The following XIST variants were observed in gnomAD, a reference collection of about 807,000 sequenced individuals.
XIST encodes X inactive specific transcript (non-protein coding).
chrX:73,840,529 G>A (rs1214669462), intron 1 of XIST, among the ~76,000 whole-genome samples: 1 of 111,596 alleles, frequency 9.0e-6, no homozygotes, highest in Non-Finnish European at 1.9e-5. Context: ...AAAGGTGGGA[G>A]GAAAGAAGGT....
chrX:73,844,923 G>A (rs369806959), exon 1 of XIST: 1 of 390,117 alleles, frequency 2.6e-6, no homozygotes, highest in Non-Finnish European at 4.8e-6. Flanking sequence ...GAAGGGAAAG[G>A]AAGATTGAGG....
At chrX:73,849,565 T>C (rs781133777) in exon 1 of XIST, 3 of 558,413 alleles carry the variant, frequency 5.4e-6, no homozygotes, top group Non-Finnish European at 9.7e-6. Context: ...TGGGCAATAA[T>C]GCTCTGATAG....
exon 6 of XIST, chrX:73,822,704 C>A (rs946229075): frequency 5.6e-6 from 3 of 540,110 alleles, no homozygotes; most frequent in African/African-American, 4.5e-5. Flanking sequence ...GTTGCATCTC[C>A]AAGTCAGAAT....
exon 1 of XIST, chrX:73,845,669 T>C (rs1372927473): frequency 3.6e-6 from 2 of 554,291 alleles, no homozygotes; most frequent in Admixed American, 2.2e-5. Context: ...TCAGATGGGA[T>C]GGGCCATGTG....
exon 6 of XIST, chrX:73,823,288 A>C: frequency 2.1e-6 from 1 of 486,113 alleles, no homozygotes; most frequent in Non-Finnish European, 3.6e-6. Flanking sequence ...TTTATTTTGA[A>C]AGAAACTTGC....
At chrX:73,837,518 G>T (rs1603361526) in intron 1 of XIST, 2 of 504,714 alleles carry the variant, frequency 4.0e-6, no homozygotes, top group Non-Finnish European at 7.1e-6. Flanking sequence ...AACACAAAAA[G>T]AACATTAAGG....
exon 1 of XIST, chrX:73,842,624 C>T (rs1569512285): frequency 3.6e-6 from 2 of 558,497 alleles, no homozygotes; most frequent in South Asian, 4.5e-5. Flanking sequence ...ACAATCAGTA[C>T]TGTGTTTATT....
At chrX:73,846,195 C>T (rs1396487365) in exon 1 of XIST, 3 of 556,244 alleles carry the variant, frequency 5.4e-6, no homozygotes, top group African/African-American at 2.3e-5. Context: ...GAAAAAGGGC[C>T]TTGGTGATCA....
exon 1 of XIST, chrX:73,846,840 G>A (rs780265621): frequency 3.6e-6 from 2 of 559,209 alleles, no homozygotes; most frequent in South Asian, 2.2e-5. Flanking sequence ...GTTTGAGAAA[G>A]GGGCCTTAAG....
intron 3 of XIST, among the ~76,000 whole-genome samples, chrX:73,833,021 A>G (rs1203293394): frequency 9.1e-6 from 1 of 110,394 alleles, no homozygotes; most frequent in African/African-American, 3.3e-5. Flanking sequence ...AGGTAGGACT[A>G]CAGGCACGTA....
exon 6 of XIST, chrX:73,821,311 C>G (rs767616543): frequency 3.6e-6 from 2 of 554,992 alleles, no homozygotes; most frequent in Non-Finnish European, 6.5e-6. Context: ...GCTATAGAAA[C>G]TACAGTTCAG....
At chrX:73,823,511 T>C (rs1437008186) in exon 6 of XIST, 1 of 542,806 alleles carries the variant, frequency 1.8e-6, no homozygotes. Context: ...GAATGGTATA[T>C]TCCACATAAA....
At chrX:73,852,248 G>C (rs766000021) in exon 1 of XIST, 1 of 548,669 alleles carries the variant, frequency 1.8e-6, no homozygotes, top group Admixed American at 2.3e-5. Flanking sequence ...TACCCCGATG[G>C]GCTAAGGAAA....
rs61741568 is a variant in XIST, at chrX:73,842,826, A to G, written n.9898T>C. 8,570 of 556,416 alleles carry G rather than the reference A, an allele frequency of 0.015. 388 individuals carry two copies. Among genetic ancestry groups the G allele is most frequent in the African/African-American group, 0.15 (6,616 of 44,411 alleles). The allele number at this position is 556,416 out of a possible 1,213,427, so 45.9% of individuals were successfully genotyped here. A position where few individuals can be genotyped will look rare whatever the true frequency, so the allele number is the denominator to read the frequency against. ...AGGGGCAGGGCAGAGGGAAGGGAAG[A>G]GGGAGACAGCACAATCTTACCTAAT... is the stretch of plus-strand genomic sequence containing the variant. On this transcript the variant is annotated non_coding_transcript_exon_variant, in exon 1 of 6. Transcript: ENST00000429829.
exon 1 of XIST, chrX:73,841,880 GT>G (rs1290524170): frequency 7.8e-6 from 4 of 513,941 alleles, no homozygotes; most frequent in African/African-American, 6.9e-5. Flanking sequence ...CTTGAAATAA[GT>G]AGGGGCAGGT....
exon 1 of XIST, chrX:73,844,632 G>A (rs368201746): frequency 6.0e-4 from 333 of 557,360 alleles, no homozygotes; most frequent in Middle Eastern, 4.3e-3. Flanking sequence ...GGAAAAGAAA[G>A]ATTATGCGTA....
In XIST at chrX:73,822,583, T is replaced by A. The variant is rs1444570722; in HGVS notation, n.17318A>T. 3 of 509,389 alleles carry A rather than the reference T, an allele frequency of 5.9e-6. No homozygotes were observed. The African/African-American group carries it at 6.9e-5, about 12-fold the overall frequency. 42.0% of individuals were successfully genotyped at this position (509,389 alleles called of 1,213,427 possible). On this transcript the variant is annotated non_coding_transcript_exon_variant, in exon 6 of 6. Coordinates refer to ENST00000429829, the Ensembl canonical transcript of XIST. Reference sequence around the variant, plus strand: ...TTCCAAGCCAATTAATAAGCAAGTGTCTTTTCGTCATGATTTTTTTTGTTT... The same window carrying A: ...TTCCAAGCCAATTAATAAGCAAGTGACTTTTCGTCATGATTTTTTTTGTTT...
At chrX:73,840,444 GTTTCGAATGTTATGTTAAACAATA>G (rs1273014094) in intron 1 of XIST, among the ~76,000 whole-genome samples, 2 of 111,439 alleles carry the variant, frequency 1.8e-5, no homozygotes, top group African/African-American at 6.5e-5. Flanking sequence ...CAGAAAAAAA[GTTTCGAATGTTATGTTAAACAATA>G]TTTTGTCAGC....
At chrX:73,842,893 T>TA in exon 1 of XIST, 1 of 557,877 alleles carries the variant, frequency 1.8e-6, no homozygotes, top group South Asian at 2.2e-5. Context: ...CAATAGTCTG[T>TA]AAAAAGGGGC....
Sources: gnomAD v4.1 joint callset for allele counts (sites outside exome capture counted in the v4.1 genomes callset) on GRCh38, gnomAD v4.1.1 for gene constraint, MANE v1.5 for transcripts, NCBI Gene and HGNC (gene_info 2026-07-23, HGNC 2026-07-21) for gene names.